POFUT3: variants seen among roughly 807,000 people sequenced by gnomAD.
POFUT3 encodes protein O-fucosyltransferase 3, also known as GDP-fucose protein O-fucosyltransferase 3.
the POFUT3 span, among the ~76,000 whole-genome samples, chr8:33,333,989 A>G: frequency 3.9e-5 from 6 of 152,276 alleles, no homozygotes; most frequent in Admixed American, 3.9e-4. Context: ...CTAAAAAGAA[A>G]AAGAAAAAAA....
At chr8:33,471,255 GTTGTT>G in the POFUT3 span, among the ~76,000 whole-genome samples, 2 of 146,396 alleles carry the variant, frequency 1.4e-5, no homozygotes, top group East Asian at 3.9e-4. Flanking sequence ...TGTTGTTGTT[GTTGTT>G]TTGTTTTGAG....
chr8:33,392,203 G>T, the POFUT3 span, among the ~76,000 whole-genome samples: 1 of 152,190 alleles, frequency 6.6e-6, no homozygotes, highest in Non-Finnish European at 1.5e-5. Flanking sequence ...GCGTGCGCAT[G>T]TGTGCAATCA....
chr8:33,365,574 C>T, the POFUT3 span, among the ~76,000 whole-genome samples: 1 of 147,842 alleles, frequency 6.8e-6, no homozygotes, highest in African/African-American at 2.5e-5. Context: ...AAAAAAACAA[C>T]CCCATCAAAA....
the POFUT3 span, among the ~76,000 whole-genome samples, chr8:33,434,514 C>T: frequency 0.67 from 101,868 of 152,036 alleles, 34,751 homozygotes; most frequent in African/African-American, 0.78. Flanking sequence ...ACCCTGCTAC[C>T]TAGGACCTAG....
the POFUT3 span, among the ~76,000 whole-genome samples, chr8:33,310,708 T>A: frequency 0.33 from 47,206 of 143,082 alleles, 8,173 homozygotes; most frequent in East Asian, 0.67. Flanking sequence ...AAAAAAAAAA[T>A]ATCTCCCACA....
the POFUT3 span, chr8:33,452,282 G>C: frequency 6.6e-6 from 1 of 151,948 alleles, no homozygotes; most frequent in East Asian, 1.9e-4. Flanking sequence ...CTGTAACTTA[G>C]TTTTGAGGTT....
At chr8:33,365,144 A>T in the POFUT3 span, among the ~76,000 whole-genome samples, 1 of 152,256 alleles carries the variant, frequency 6.6e-6, no homozygotes, top group Non-Finnish European at 1.5e-5. Flanking sequence ...ACCTGACAAA[A>T]ACAAGAAATG....
chr8:33,406,759 C>T, the POFUT3 span, among the ~76,000 whole-genome samples: 3 of 151,974 alleles, frequency 2.0e-5, no homozygotes, highest in African/African-American at 7.2e-5. Flanking sequence ...AGACAGAGGT[C>T]TTGCCATGTT....
At chr8:33,323,173 A>G in the POFUT3 span, among the ~76,000 whole-genome samples, 7 of 152,294 alleles carry the variant, frequency 4.6e-5, no homozygotes, top group East Asian at 1.3e-3. Flanking sequence ...GTAGCAAGGC[A>G]TGTGTCTGAG....
At chr8:33,367,204 A>G in the POFUT3 span, among the ~76,000 whole-genome samples, 2 of 152,248 alleles carry the variant, frequency 1.3e-5, no homozygotes, top group Admixed American at 6.5e-5. Context: ...TGATGGCCAT[A>G]ACGCCCACGC....
At chr8:33,377,198 C>T in the POFUT3 span, among the ~76,000 whole-genome samples, 6 of 151,072 alleles carry the variant, frequency 4.0e-5, no homozygotes, top group East Asian at 1.9e-4. Flanking sequence ...CACCATTGCA[C>T]TCCAGCCCAG....
chr8:33,454,276 G>A, the POFUT3 span, among the ~76,000 whole-genome samples: 1 of 152,166 alleles, frequency 6.6e-6, no homozygotes, highest in Admixed American at 6.6e-5. Flanking sequence ...CCTCTTTCTT[G>A]TTTCTCTTTT....
chr8:33,317,129 A>C, the POFUT3 span, among the ~76,000 whole-genome samples: 1 of 152,154 alleles, frequency 6.6e-6, no homozygotes, highest in Non-Finnish European at 1.5e-5. Context: ...CAACCTGATA[A>C]GTAAGAAAGT....
chr8:33,469,231 G>A, the POFUT3 span, among the ~76,000 whole-genome samples: 5 of 152,250 alleles, frequency 3.3e-5, no homozygotes, highest in South Asian at 2.1e-4. Context: ...GCATGAACCC[G>A]GGAGGCGGAG....
the POFUT3 span, among the ~76,000 whole-genome samples, chr8:33,348,300 AAACT>A: frequency 0.21 from 31,746 of 152,034 alleles, 3,825 homozygotes; most frequent in South Asian, 0.51. Flanking sequence ...GAAGAAAGAA[AAACT>A]AATAAAATGT....
chr8:33,371,504 C>T, the POFUT3 span: 1 of 152,174 alleles, frequency 6.6e-6, no homozygotes, highest in African/African-American at 2.4e-5. Context: ...TGTGGCTTTC[C>T]ATGATGAAGA....
At chr8:33,447,383 A>G in the POFUT3 span, among the ~76,000 whole-genome samples, 3 of 151,964 alleles carry the variant, frequency 2.0e-5, no homozygotes, top group Non-Finnish European at 4.4e-5. Flanking sequence ...TGGGAGGCGG[A>G]GCTTGCAGTG....
chr8:33,347,674 A>G, the POFUT3 span, among the ~76,000 whole-genome samples: 1 of 152,234 alleles, frequency 6.6e-6, no homozygotes, highest in Admixed American at 6.5e-5. Flanking sequence ...GCACTGAGCT[A>G]GGCATTAGGG....
the POFUT3 span, among the ~76,000 whole-genome samples, chr8:33,421,031 G>A: frequency 6.6e-6 from 1 of 151,862 alleles, no homozygotes; most frequent in Admixed American, 6.6e-5. Context: ...AGACAGGTGG[G>A]AAGAAGAAGG....
Sources: gnomAD v4.1 joint callset for allele counts (sites outside exome capture counted in the v4.1 genomes callset) on GRCh38, gnomAD v4.1.1 for gene constraint, MANE v1.5 for transcripts, NCBI Gene and HGNC (gene_info 2026-07-23, HGNC 2026-07-21) for gene names.